The following BRINP1 variants were observed in gnomAD, a reference collection of about 807,000 sequenced individuals.
BRINP1 encodes BMP/retinoic acid inducible neural specific 1.
In BRINP1, 17 loss-of-function variants were observed where a neutral mutation model predicts 72.9. That is an observed-to-expected ratio of 0.23 (90% CI 0.16 to 0.35). The LOEUF (loss-of-function observed/expected upper bound fraction) is 0.35. Among genes scored for constraint, BRINP1 ranks in the 10% least tolerant of loss-of-function variants. BRINP1 has a pLI of 1.00. For missense variants in BRINP1, 850 were observed against 1,001.6 expected, an observed-to-expected ratio of 0.85 and a Z score of 2.04; for synonymous variants, 418 against 378.5, an observed-to-expected ratio of 1.10 and a Z score of -1.21.
chr9:119,299,429 C>T (rs1392204205), intron 2 of BRINP1, among the ~76,000 whole-genome samples: 5 of 152,018 alleles, frequency 3.3e-5, no homozygotes, highest in African/African-American at 9.7e-5. Context: ...GCCTGACCAA[C>T]ATGGAGAAAC....
chr9:119,357,257 G>T, intron 1 of BRINP1, among the ~76,000 whole-genome samples: 1 of 150,888 alleles, frequency 6.6e-6, no homozygotes, highest in East Asian at 1.9e-4. Context: ...GCACGTGCAT[G>T]TGTGTGTGTG....
At chr9:119,282,494 G>A (rs181810507) in intron 2 of BRINP1, among the ~76,000 whole-genome samples, 154 of 152,258 alleles carry the variant, frequency 1.0e-3, no homozygotes, top group African/African-American at 3.5e-3. Flanking sequence ...AGAACTGAAC[G>A]AGAAGAAGGA....
At chr9:119,288,359 A>T (rs1227344846) in intron 2 of BRINP1, among the ~76,000 whole-genome samples, 1 of 149,142 alleles carries the variant, frequency 6.7e-6, no homozygotes, top group East Asian at 2.0e-4. Context: ...AATTTTTTTT[A>T]ACCATATCCT....
At chr9:119,219,296 C>A (rs928964144) in intron 5 of BRINP1, among the ~76,000 whole-genome samples, 8 of 152,078 alleles carry the variant, frequency 5.3e-5, no homozygotes, top group Admixed American at 3.3e-4. Context: ...CAAACTTGAA[C>A]CCTTCTTGAA....
Position 119,368,560 on chromosome 9 carries a change from G to GTAA in BRINP1, c.-51+493_-51+495dup, listed in dbSNP as rs1224663495. Among the ~76,000 whole-genome samples, 6 of 152,180 alleles carry GTAA rather than the reference G, an allele frequency of 3.9e-5. No homozygotes were observed. The East Asian group carries it at 1.2e-3, about 30-fold the overall frequency. On this transcript the variant is annotated intron_variant, in intron 1 of 7. Coordinates refer to ENST00000265922, the MANE Select transcript of BRINP1 (RefSeq NM_014618.3). The surrounding 1 kb of genome is among the most constrained non-coding windows in gnomAD (Gnocchi z 4.7). Reference sequence around the variant, plus strand: ...TTCCCGGTGACTACGTGATCCTATAGTAAGGGTCCCATTCCGTGTAAGCTG... The same window carrying GTAA: ...TTCCCGGTGACTACGTGATCCTATAGTAATAAGGGTCCCATTCCGTGTAAGCTG...
chr9:119,319,111 A>G (rs374434703), intron 1 of BRINP1, among the ~76,000 whole-genome samples: 2 of 152,198 alleles, frequency 1.3e-5, no homozygotes, highest in African/African-American at 4.8e-5. Context: ...CCACATGTCA[A>G]TGATGCAAAT....
At chr9:119,323,547 A>G (rs896984947) in intron 1 of BRINP1, among the ~76,000 whole-genome samples, 1 of 152,222 alleles carries the variant, frequency 6.6e-6, no homozygotes, top group Non-Finnish European at 1.5e-5. Flanking sequence ...GCAAGCAGCT[A>G]AAGATACATT....
rs569193768 is a variant in BRINP1, at chr9:119,221,886, G to A, written c.686-7731C>T. Among the ~76,000 whole-genome samples the A allele has an allele frequency of 5.9e-5, 9 of 152,236 alleles. No individual in the cohort carries two copies. In the East Asian group the frequency reaches 1.7e-3, roughly 29 times the overall value. On this transcript the variant is annotated intron_variant, in intron 5 of 7. Coordinates refer to ENST00000265922, the MANE Select transcript of BRINP1 (RefSeq NM_014618.3). Reference sequence around the variant, plus strand: ...AGTGTGGAAGCAGAGTTTGAAAGGTGACATGGCACAAACAAATCTTGGTTC... The same window carrying A: ...AGTGTGGAAGCAGAGTTTGAAAGGTAACATGGCACAAACAAATCTTGGTTC...
chr9:119,229,473 T>A (rs1356558857), intron 5 of BRINP1, among the ~76,000 whole-genome samples: 1 of 152,004 alleles, frequency 6.6e-6, no homozygotes, highest in Non-Finnish European at 1.5e-5. Flanking sequence ...GGAACTAAGG[T>A]CCGTTTGACT....
intron 2 of BRINP1, among the ~76,000 whole-genome samples, chr9:119,312,568 A>G (rs1392499431): frequency 6.6e-6 from 1 of 152,192 alleles, no homozygotes; most frequent in Non-Finnish European, 1.5e-5. Context: ...GATGAGTAGA[A>G]TGTCAACGGT....
chr9:119,227,522 A>T (rs963980315), intron 5 of BRINP1, among the ~76,000 whole-genome samples: 7 of 152,062 alleles, frequency 4.6e-5, no homozygotes, highest in Non-Finnish European at 1.0e-4. Context: ...GAAGACACGA[A>T]AGGCACTGCT....
chr9:119,281,560 G>A (rs1002427191), intron 2 of BRINP1, among the ~76,000 whole-genome samples: 1 of 152,202 alleles, frequency 6.6e-6, no homozygotes, highest in African/African-American at 2.4e-5. Context: ...CTATGGGCGA[G>A]TGAGAACAAG....
intron 2 of BRINP1, among the ~76,000 whole-genome samples, chr9:119,264,680 T>C (rs1830530783): frequency 6.6e-6 from 1 of 152,176 alleles, no homozygotes; most frequent in African/African-American, 2.4e-5. Flanking sequence ...CCCTGATGTT[T>C]TTTTGTTTTG....
chr9:119,349,764 G>A (rs1315076372), intron 1 of BRINP1, among the ~76,000 whole-genome samples: 1 of 152,164 alleles, frequency 6.6e-6, no homozygotes, highest in African/African-American at 2.4e-5. Context: ...CCCCCAGCAG[G>A]GGGATCTGTG....
At chr9:119,217,273 G>A (rs1829988174) in intron 5 of BRINP1, among the ~76,000 whole-genome samples, 1 of 151,704 alleles carries the variant, frequency 6.6e-6, no homozygotes, top group African/African-American at 2.4e-5. Flanking sequence ...ACAGCTGCCG[G>A]CTGGGGTGAA....
chr9:119,208,998 G>A, intron 6 of BRINP1, 57 bp from the exon 7 acceptor site: 1 of 1,473,222 alleles, frequency 6.8e-7, no homozygotes. Flanking sequence ...CCCATCTAAA[G>A]TGGCCTTGAA....
intron 2 of BRINP1, 141 bp from the exon 3 acceptor site, chr9:119,249,291 C>A: frequency 1.4e-6 from 1 of 714,688 alleles, no homozygotes; most frequent in Non-Finnish European, 2.2e-6. Context: ...ATGCTTTGAT[C>A]TGGAGCTTCC....
At chr9:119,319,364 T>C (rs920704095) in intron 1 of BRINP1, among the ~76,000 whole-genome samples, 3 of 152,236 alleles carry the variant, frequency 2.0e-5, no homozygotes, top group African/African-American at 7.2e-5. Context: ...AATATATCTC[T>C]GTTGATTTAG....
intron 2 of BRINP1, among the ~76,000 whole-genome samples, chr9:119,303,934 C>G (rs1437128142): frequency 6.7e-6 from 1 of 149,328 alleles, no homozygotes; most frequent in Admixed American, 6.7e-5. Flanking sequence ...GGCTGGAGTG[C>G]AGTGGCATGA....
Sources: gnomAD v4.1 joint callset for allele counts (sites outside exome capture counted in the v4.1 genomes callset) on GRCh38, gnomAD v4.1.1 for gene constraint, Gnocchi (gnomAD v3.1) non-coding constraint, MANE v1.5 for transcripts, NCBI Gene and HGNC (gene_info 2026-07-23, HGNC 2026-07-21) for gene names.